CALN1: variants seen among roughly 807,000 people sequenced by gnomAD.
CALN1 encodes the protein calneuron 1.
CALN1 carries 17 observed loss-of-function variants against 30.6 expected under a neutral mutation model. The observed-to-expected ratio is 0.56, with a 90% CI of 0.38 to 0.83. The LOEUF is 0.83. Ranked by LOEUF, CALN1 falls within the 40% of genes least tolerant of loss-of-function variation. The pLI, the probability that CALN1 is intolerant of heterozygous loss-of-function variation, is 0.00. For synonymous variants in CALN1, 156 were observed against 131.4 expected, an observed-to-expected ratio of 1.19 and a Z score of -1.28; for missense variants, 291 against 354.9, an observed-to-expected ratio of 0.82 and a Z score of 1.45.
At chr7:71,791,051 C>G (rs2115893372) in intron 6 of CALN1, among the ~76,000 whole-genome samples, 1 of 152,286 alleles carries the variant, frequency 6.6e-6, no homozygotes, top group South Asian at 2.1e-4. Flanking sequence ...AGTGGCTCAT[C>G]CAAACTCCTG....
Position 71,806,496 on chromosome 7 carries a change from G to A in CALN1, c.658+3840C>T, listed in dbSNP as rs140376349. Among the ~76,000 whole-genome samples the A allele has an allele frequency of 3.4e-3, 521 of 152,130 alleles. 3 individuals carry two copies. Among genetic ancestry groups the A allele is most frequent in the African/African-American group, 0.011 (457 of 41,500 alleles). On this transcript the variant is annotated intron_variant, in intron 6 of 6. Coordinates refer to ENST00000395275, the MANE Select transcript of CALN1 (RefSeq NM_031468.4). Reference sequence around the variant, plus strand: ...TAATTTTTGTATTTTTAGTAGAGACGGGGTTTCATCATATTGGTCAGGCTG... The same window carrying A: ...TAATTTTTGTATTTTTAGTAGAGACAGGGTTTCATCATATTGGTCAGGCTG...
intron 6 of CALN1, among the ~76,000 whole-genome samples, chr7:71,800,993 G>A (rs995320681): frequency 2.0e-5 from 3 of 151,998 alleles, no homozygotes; most frequent in African/African-American, 4.8e-5. Context: ...GCCCCGGTGT[G>A]TGATGTTCCC....
In CALN1 at chr7:71,790,122, GAAGAA is replaced by G. The variant is rs1486676345; in HGVS notation, c.659-2225_659-2221del. On this transcript the variant is annotated intron_variant, in intron 6 of 6. Coordinates refer to ENST00000395275, the MANE Select transcript of CALN1 (RefSeq NM_031468.4). Reference sequence around the variant, plus strand: ...ACCCTGCAGGAGAGAGAGAGAGAGAGAAGAAAGAAGAAAGAAGAAAGAAAGAAGAA... The same window carrying G: ...ACCCTGCAGGAGAGAGAGAGAGAGAGAGAAGAAAGAAGAAAGAAAGAAGAA... Among the ~76,000 whole-genome samples the G allele has an allele frequency of 2.1e-3, 134 of 64,164 alleles. 1 individual carries two copies. Among genetic ancestry groups the G allele is most frequent in the African/African-American group, 7.9e-3 (129 of 16,350 alleles). 42.1% of individuals were successfully genotyped at this position (64,164 alleles called of 152,430 possible).
chr7:72,228,361 C>A (rs560732433), intron 3 of CALN1, among the ~76,000 whole-genome samples: 1 of 151,826 alleles, frequency 6.6e-6, no homozygotes, highest in East Asian at 1.9e-4. Context: ...TGTCTGGCTT[C>A]CCCACTGGGT....
intron 3 of CALN1, among the ~76,000 whole-genome samples, chr7:72,182,959 A>G (rs1215699326): frequency 6.6e-6 from 1 of 152,112 alleles, no homozygotes; most frequent in South Asian, 2.1e-4. Flanking sequence ...AATGCTATGA[A>G]AAGGAGTCTA....
chr7:71,922,595 TATAA>T (rs1795010152), intron 5 of CALN1, among the ~76,000 whole-genome samples: 1 of 140,600 alleles, frequency 7.1e-6, no homozygotes, highest in Non-Finnish European at 1.5e-5. Context: ...ATGTATTATA[TATAA>T]ATATATAACA....
chr7:72,182,137 A>G (rs150862459), intron 3 of CALN1, among the ~76,000 whole-genome samples: 51 of 152,306 alleles, frequency 3.3e-4, no homozygotes, highest in African/African-American at 1.2e-3. Flanking sequence ...ATTCAAGGTG[A>G]GCCCTAGAAT....
At chr7:72,036,106 T>G (rs1372352367) in intron 4 of CALN1, among the ~76,000 whole-genome samples, 4 of 152,252 alleles carry the variant, frequency 2.6e-5, no homozygotes. Flanking sequence ...AGGACAGTTT[T>G]GCTGGATATT....
At chr7:72,214,721 C>T (rs529940238) in intron 3 of CALN1, among the ~76,000 whole-genome samples, 34 of 152,100 alleles carry the variant, frequency 2.2e-4, no homozygotes, top group African/African-American at 8.2e-4. Flanking sequence ...GTGAGGGGTG[C>T]AGAAGTGAAG....
intron 5 of CALN1, among the ~76,000 whole-genome samples, chr7:71,867,269 G>A (rs1252447374): frequency 2.0e-5 from 3 of 152,020 alleles, no homozygotes; most frequent in Non-Finnish European, 4.4e-5. Flanking sequence ...CAGGAAATAT[G>A]AGGGAAAAAA....
intron 5 of CALN1, among the ~76,000 whole-genome samples, chr7:71,881,698 C>T (rs1792577813): frequency 6.6e-6 from 1 of 152,092 alleles, no homozygotes; most frequent in South Asian, 2.1e-4. Flanking sequence ...ATGATTTGAC[C>T]TTTGTATCAG....
rs187451020 is a variant in CALN1 at position 72,289,870 on chromosome 7, G to A, written c.120-11060C>T. On this transcript the variant is annotated intron_variant, in intron 2 of 6. Coordinates refer to ENST00000395275, the MANE Select transcript of CALN1 (RefSeq NM_031468.4). ...CTTTGGGATGCCAAGGTGGGAGCCC[G>A]GAGTTCAAGACCAGCTGGGCAACAT... Among the ~76,000 whole-genome samples the A allele has an allele frequency of 8.4e-4, 127 of 151,848 alleles. 1 individual carries two copies. Among genetic ancestry groups the A allele is most frequent in the Admixed American group, 6.8e-3 (104 of 15,238 alleles).
intron 4 of CALN1, among the ~76,000 whole-genome samples, chr7:72,101,449 C>A (rs762496655): frequency 1.3e-5 from 2 of 152,088 alleles, no homozygotes; most frequent in Non-Finnish European, 2.9e-5. Context: ...TCAGAAATAT[C>A]TCTAAAATAT....
intron 4 of CALN1, among the ~76,000 whole-genome samples, chr7:72,065,263 T>C (rs932844222): frequency 1.3e-5 from 2 of 152,100 alleles, no homozygotes; most frequent in East Asian, 1.9e-4. Flanking sequence ...TCTCAACTAT[T>C]AGTTGTACTG....
chr7:72,127,750 G>A (rs944605647), intron 3 of CALN1, among the ~76,000 whole-genome samples: 18 of 152,294 alleles, frequency 1.2e-4, no homozygotes, highest in African/African-American at 4.1e-4. Context: ...AACATTTGCC[G>A]TGTGCTAGTG....
intron 3 of CALN1, among the ~76,000 whole-genome samples, chr7:72,193,971 G>A (rs978334457): frequency 3.9e-5 from 6 of 152,118 alleles, no homozygotes; most frequent in African/African-American, 1.4e-4. Flanking sequence ...GGGTGGGAGG[G>A]GGTGAGAGAT....
intron 3 of CALN1, among the ~76,000 whole-genome samples, chr7:72,161,683 G>A (rs577536218): frequency 5.9e-5 from 9 of 152,120 alleles, no homozygotes; most frequent in South Asian, 4.2e-4. Flanking sequence ...TTCTTGTACC[G>A]CATGTTCTCA....
intron 3 of CALN1, among the ~76,000 whole-genome samples, chr7:72,184,007 T>C (rs187053162): frequency 2.0e-5 from 3 of 151,934 alleles, no homozygotes; most frequent in East Asian, 3.9e-4. Flanking sequence ...GTTAAGAAAA[T>C]TGAATTTACT....
intron 1 of CALN1, among the ~76,000 whole-genome samples, chr7:72,435,391 A>G (rs1808121498): frequency 6.6e-6 from 1 of 152,214 alleles, no homozygotes; most frequent in Non-Finnish European, 1.5e-5. Flanking sequence ...GGGCTCAAAC[A>G]TTCTGTCTGA....
Sources: allele counts gnomAD v4.1 joint callset (sites outside exome capture counted in the v4.1 genomes callset), GRCh38; gene constraint gnomAD v4.1.1; transcripts MANE v1.5; gene names NCBI Gene and HGNC (gene_info 2026-07-23, HGNC 2026-07-21).